Variants in FNBP1 observed in about 807,000 individuals in gnomAD.
FNBP1 encodes the protein formin binding protein 1, also known as formin-binding protein 1.
Under a neutral mutation model 90.6 loss-of-function variants are expected in FNBP1, and 26 were observed. The ratio of observed to expected loss-of-function variants is 0.29; its 90% CI spans 0.21 to 0.40. The LOEUF (loss-of-function observed/expected upper bound fraction) is 0.40, where lower values mean the gene tolerates loss of function less well. Among genes scored for constraint, FNBP1 ranks in the 10% least tolerant of loss-of-function variants. The pLI is 1.00. For synonymous variants in FNBP1, 260 were observed against 265.2 expected (o/e 0.98, Z 0.19); for missense variants, 635 against 768.0 (o/e 0.83, Z 2.05).
chr9:129,940,620 A>G (rs1422480214), intron 6 of FNBP1, among the ~76,000 whole-genome samples: 2 of 151,466 alleles, frequency 1.3e-5, no homozygotes, highest in Admixed American at 6.6e-5. Context: ...TCATATATAT[A>G]TATATACATA....
At chr9:129,927,643 CTT>C in intron 7 of FNBP1, among the ~76,000 whole-genome samples, 1 of 152,076 alleles carries the variant, frequency 6.6e-6, no homozygotes, top group Non-Finnish European at 1.5e-5. Flanking sequence ...GAGTTTTGCT[CTT>C]GTCACCCAGG....
chr9:129,941,904 C>G (rs1301238990), intron 6 of FNBP1, among the ~76,000 whole-genome samples: 3 of 152,214 alleles, frequency 2.0e-5, no homozygotes, highest in South Asian at 2.1e-4. Flanking sequence ...AACCCCATCT[C>G]TACTAAAAAT....
intron 1 of FNBP1, among the ~76,000 whole-genome samples, chr9:130,017,121 G>T (rs1238043351): frequency 6.6e-6 from 1 of 152,080 alleles, no homozygotes; most frequent in Non-Finnish European, 1.5e-5. Flanking sequence ...GCAATAACGT[G>T]AGAATTTTAC....
At chr9:130,048,454 T>C in the FNBP1 span, among the ~76,000 whole-genome samples, 741 of 151,018 alleles carry the variant, frequency 4.9e-3, 12 homozygotes, top group African/African-American at 0.017. Flanking sequence ...ATAGAGAGCT[T>C]TGGCTGAATT....
intron 6 of FNBP1, among the ~76,000 whole-genome samples, chr9:129,937,707 T>C (rs567269610): frequency 3.0e-4 from 46 of 151,872 alleles, no homozygotes; most frequent in African/African-American, 1.1e-3. Flanking sequence ...CACTTCAGCC[T>C]GGTGACAGTG....
chr9:129,909,276 C>T (rs1012886070), intron 11 of FNBP1, among the ~76,000 whole-genome samples: 1 of 152,246 alleles, frequency 6.6e-6, no homozygotes, highest in African/African-American at 2.4e-5. Flanking sequence ...AGAGATACTT[C>T]TGACTCTAGG....
chr9:129,993,838 G>C (rs189125591), intron 2 of FNBP1, among the ~76,000 whole-genome samples: 1 of 151,600 alleles, frequency 6.6e-6, no homozygotes, highest in African/African-American at 2.4e-5. Flanking sequence ...TTGGCCAGGC[G>C]GGTCTCGAAC....
At chr9:130,007,026 G>C (rs2055814656) in intron 1 of FNBP1, among the ~76,000 whole-genome samples, 1 of 151,618 alleles carries the variant, frequency 6.6e-6, no homozygotes, top group African/African-American at 2.4e-5. Context: ...TTGGGCCCAG[G>C]AGTTTGAGAC....
intron 1 of FNBP1, among the ~76,000 whole-genome samples, chr9:130,005,062 CAAAAAAAAAAAAAAA>C (rs573686773): frequency 1.1e-5 from 1 of 92,840 alleles, no homozygotes; most frequent in African/African-American, 4.3e-5. Context: ...AAGACTGTCT[CAAAAAAAAAAAAAAA>C]AAAAAAAAAA....
At chr9:129,997,079 T>A (rs2054122827) in intron 1 of FNBP1, among the ~76,000 whole-genome samples, 1 of 151,758 alleles carries the variant, frequency 6.6e-6, no homozygotes, top group South Asian at 2.1e-4. Flanking sequence ...AATCCCAGCA[T>A]TTTGGGAAGC....
At chr9:130,048,725 G>A in the FNBP1 span, among the ~76,000 whole-genome samples, 4 of 149,752 alleles carry the variant, frequency 2.7e-5, no homozygotes, top group East Asian at 2.0e-4. Flanking sequence ...TGATCCACCC[G>A]CCTCGTCCTC....
Position 130,026,055 on chromosome 9 carries a change from A to ATT in FNBP1, c.24+16895_24+16896dup, listed in dbSNP as rs201187816. Among the ~76,000 whole-genome samples the ATT allele has an allele frequency of 6.9e-3, 1,049 of 152,328 alleles. 15 individuals are homozygous for ATT. Among genetic ancestry groups the ATT allele is most frequent in the African/African-American group, 0.024 (1,007 of 41,572 alleles). On this transcript the variant is annotated intron_variant, in intron 1 of 16. Transcript: ENST00000446176. ...TGGAGTAGGCACTATCATTATCTCC[A>ATT]TTTTACAGATGAAGGAACTGAGGCT...
At chr9:130,034,127 C>T (rs1278143405) in intron 1 of FNBP1, among the ~76,000 whole-genome samples, 1 of 151,842 alleles carries the variant, frequency 6.6e-6, no homozygotes. Flanking sequence ...CGAGACCATC[C>T]TGGCTAACAC....
chr9:129,919,347 C>A, intron 10 of FNBP1: 2 of 453,284 alleles, frequency 4.4e-6, no homozygotes, highest in South Asian at 1.8e-5. Context: ...TTTCGGTCAA[C>A]TTTGATGGTA....
chr9:129,940,120 G>A (rs1032442653), intron 6 of FNBP1, among the ~76,000 whole-genome samples: 1 of 152,158 alleles, frequency 6.6e-6, no homozygotes, highest in African/African-American at 2.4e-5. Context: ...AGGATCACTT[G>A]AGCCCGGGAG....
intron 2 of FNBP1, among the ~76,000 whole-genome samples, chr9:129,985,290 AG>A (rs35966277): frequency 0.29 from 44,725 of 152,002 alleles, 7,199 homozygotes; most frequent in Non-Finnish European, 0.37. Flanking sequence ...AACACACGCC[AG>A]GTGTTGGCCT....
At position 129,957,268 on chromosome 9, in the gene FNBP1, C is replaced by A; in HGVS notation, c.513+92G>T. 8.0e-6 allele frequency: 7 copies of A among 869,976 alleles called. No individual in the cohort carries two copies. In the South Asian group the frequency reaches 1.0e-4, roughly 12 times the overall value. 53.9% of individuals were successfully genotyped at this position (869,976 alleles called of 1,614,324 possible). A position where few individuals can be genotyped will look rare whatever the true frequency, so the allele number is the denominator to read the frequency against. ...GGCCAGGCTGGTCTCGAACTCCTGG[C>A]CTCAGGTGATCCGCTCACCTCAGCC... On this transcript the variant is annotated intron_variant, in intron 6 of 16. Transcript: ENST00000446176. This position sits in a 1 kb window ranked among gnomAD's most constrained non-coding sequence, Gnocchi z 4.3.
intron 6 of FNBP1, among the ~76,000 whole-genome samples, chr9:129,941,925 G>C (rs997038777): frequency 5.3e-5 from 8 of 151,978 alleles, no homozygotes; most frequent in African/African-American, 1.9e-4. Flanking sequence ...ACAAAAATTA[G>C]CCAGGTGTGG....
chr9:129,989,981 G>A (rs575263162), intron 2 of FNBP1, among the ~76,000 whole-genome samples: 4 of 151,970 alleles, frequency 2.6e-5, no homozygotes, highest in South Asian at 4.2e-4. Flanking sequence ...AGCCAAGATC[G>A]TGCCACTGCA....
Sources: allele counts gnomAD v4.1 joint callset (sites outside exome capture counted in the v4.1 genomes callset), GRCh38; gene constraint gnomAD v4.1.1; non-coding constraint Gnocchi (gnomAD v3.1); transcripts MANE v1.5; gene names NCBI Gene and HGNC (gene_info 2026-07-23, HGNC 2026-07-21).